The following PCDHGB4 variants were observed in gnomAD, a reference collection of about 807,000 sequenced individuals.
The protein encoded by PCDHGB4 is protocadherin gamma-B4.
PCDHGB4 carries 38 observed loss-of-function variants against 60.5 expected under a neutral mutation model. That is an observed-to-expected ratio of 0.63 (90% CI 0.48 to 0.82). The LOEUF (loss-of-function observed/expected upper bound fraction) is 0.82. PCDHGB4 is among the 40% of genes least tolerant of loss of function. The probability of loss-of-function intolerance (pLI) is 0.00; values close to 1 mark genes in which losing one functional copy is unlikely to be tolerated. For missense variants in PCDHGB4, 1,109 were observed against 1,209.6 expected (o/e 0.92, Z 1.23); for synonymous variants, 456 against 509.7 (o/e 0.89, Z 1.42).
In PCDHGB4 at chr5:141,417,676, C is replaced by G. The variant is rs902104404; in HGVS notation, c.2397+27395C>G. The G allele has an allele frequency of 1.7e-5, 17 of 993,450 alleles. No individual in the cohort carries two copies. The African/African-American group carries it at 2.8e-4, about 16-fold the overall frequency. The allele number at this position is 993,450 out of a possible 1,614,324, so 61.5% of individuals were successfully genotyped here. ...AGCCTGGGATTCCCTGCGCAGCCAACAACAGAAAAGAAAACCAGCTCCCAC... is the reference window on the plus strand; with the variant it reads ...AGCCTGGGATTCCCTGCGCAGCCAAGAACAGAAAAGAAAACCAGCTCCCAC... On this transcript the variant is annotated intron_variant, in intron 1 of 3. Transcript: ENST00000519479.
chr5:141,423,760 G>T, intron 1 of PCDHGB4: 23 of 279,644 alleles, frequency 8.2e-5, no homozygotes, highest in South Asian at 2.0e-4. Flanking sequence ...TGGGGGGGGG[G>T]TGGGGCGGCA....
At chr5:141,412,527 A>G (rs1017506409) in intron 1 of PCDHGB4, 3 of 152,186 alleles carry the variant, frequency 2.0e-5, no homozygotes, top group Admixed American at 1.3e-4. Context: ...AGTAGTTACA[A>G]TTATAAAGCT....
intron 2 of PCDHGB4, among the ~76,000 whole-genome samples, chr5:141,504,280 C>T (rs1027657223): frequency 6.6e-6 from 1 of 152,076 alleles, no homozygotes; most frequent in Admixed American, 6.6e-5. Context: ...AATTATGAAT[C>T]ATTTCATGTT....
intron 1 of PCDHGB4, chr5:141,412,746 C>T (rs2095574250): frequency 6.5e-6 from 1 of 154,106 alleles, no homozygotes; most frequent in Non-Finnish European, 1.4e-5. Context: ...ATATATTTAA[C>T]CAAACATTAT....
chr5:141,473,665 T>C (rs1054239218), intron 1 of PCDHGB4, among the ~76,000 whole-genome samples: 1 of 152,142 alleles, frequency 6.6e-6, no homozygotes, highest in Non-Finnish European at 1.5e-5. Context: ...GTGAAGGCCC[T>C]GAGACAGGGA....
rs776335336 is a variant in PCDHGB4 at position 141,403,470 on chromosome 5, G to A, written c.2397+13189G>A. The A allele has an allele frequency of 3.7e-5, 59 of 1,613,910 alleles. No homozygotes were observed. Among genetic ancestry groups the A allele is most frequent in the Non-Finnish European group, 4.8e-5 (57 of 1,179,918 alleles). ...AACTCCCTCCAGAGCTACCAGCTCAGCCCCAATCACCACTTCTCCCTGAAC... is the reference window on the plus strand; with the variant it reads ...AACTCCCTCCAGAGCTACCAGCTCAACCCCAATCACCACTTCTCCCTGAAC... On this transcript the variant is annotated intron_variant, in intron 1 of 3. Coordinates refer to ENST00000519479, the MANE Select transcript of PCDHGB4 (RefSeq NM_003736.4).
At chr5:141,408,396 A>G (rs764101918) in intron 1 of PCDHGB4, 18 of 1,614,020 alleles carry the variant, frequency 1.1e-5, no homozygotes, top group South Asian at 5.5e-5. Flanking sequence ...TCGGCTCGCA[A>G]GCTGCGAGTG....
intron 3 of PCDHGB4, among the ~76,000 whole-genome samples, chr5:141,509,069 G>A (rs1463164307): frequency 2.6e-5 from 4 of 152,174 alleles, no homozygotes; most frequent in African/African-American, 9.7e-5. Context: ...CTCAGCTCCG[G>A]GGATTTGCGA....
chr5:141,432,919 C>T lies in PCDHGB4; in HGVS notation c.2397+42638C>T. ...TGGCGCTCAGGCTGCGGCGCTGGCACAAGTCACGCCTGCTGCAGGCTTCAG... is the reference window on the plus strand; with the variant it reads ...TGGCGCTCAGGCTGCGGCGCTGGCATAAGTCACGCCTGCTGCAGGCTTCAG... On this transcript the variant is annotated intron_variant, in intron 1 of 3. Coordinates refer to ENST00000519479, the MANE Select transcript of PCDHGB4 (RefSeq NM_003736.4). The surrounding 1 kb of genome is among the most constrained non-coding windows in gnomAD (Gnocchi z 6.0). The T allele has an allele frequency of 2.5e-6, 4 of 1,614,210 alleles. No individual in the cohort carries two copies. Among genetic ancestry groups the T allele is most frequent in the Non-Finnish European group, 3.4e-6 (4 of 1,180,040 alleles).
At chr5:141,492,242 C>G (rs2099738685) in intron 1 of PCDHGB4, among the ~76,000 whole-genome samples, 1 of 152,190 alleles carries the variant, frequency 6.6e-6, no homozygotes, top group Admixed American at 6.5e-5. Flanking sequence ...GCTGGCCACC[C>G]CCACGGCCCA....
intron 1 of PCDHGB4, among the ~76,000 whole-genome samples, chr5:141,482,188 G>C (rs1178289472): frequency 2.6e-5 from 4 of 152,122 alleles, no homozygotes; most frequent in African/African-American, 9.7e-5. Context: ...CGATGCTCCA[G>C]TTCTAGTAAA....
intron 1 of PCDHGB4, among the ~76,000 whole-genome samples, chr5:141,484,306 C>T (rs1009067603): frequency 6.6e-6 from 1 of 152,184 alleles, no homozygotes; most frequent in African/African-American, 2.4e-5. Context: ...GCTTCCTCCA[C>T]CCCGCTTCCA....
At chr5:141,404,039 G>A in intron 1 of PCDHGB4, 1 of 1,613,750 alleles carries the variant, frequency 6.2e-7, no homozygotes, top group Non-Finnish European at 8.5e-7. Context: ...CGCACCTCAG[G>A]GAACAGTAAT....
chr5:141,487,591 C>T lies in PCDHGB4; in HGVS notation c.2398-7216C>T. 8 of 1,614,176 alleles carry T rather than the reference C, an allele frequency of 5.0e-6. No homozygotes were observed. The highest frequency in any genetic ancestry group is 6.8e-6 in the Non-Finnish European group (8 of 1,180,036). On this transcript the variant is annotated intron_variant, in intron 1 of 3. Coordinates refer to ENST00000519479, the MANE Select transcript of PCDHGB4 (RefSeq NM_003736.4). The surrounding 1 kb of genome is among the most constrained non-coding windows in gnomAD (Gnocchi z 5.0). ...AGCCTGTTCGCCCAAGCTGCCCACC[C>T]TCTGATCTTCTCTATGGGCTAGAGG...
At chr5:141,390,612 T>C (rs2092191763) in intron 1 of PCDHGB4, 1 of 296,168 alleles carries the variant, frequency 3.4e-6, no homozygotes, top group Non-Finnish European at 6.3e-6. Context: ...ATTTTCCTTC[T>C]TGTTGACTAA....
intron 1 of PCDHGB4, among the ~76,000 whole-genome samples, chr5:141,458,065 G>A (rs55848374): frequency 0.098 from 14,910 of 152,232 alleles, 965 homozygotes; most frequent in Non-Finnish European, 0.14. Flanking sequence ...GCACTGATGC[G>A]AACAACTATA....
intron 1 of PCDHGB4, chr5:141,484,889 T>C (rs2099602721): frequency 2.8e-6 from 1 of 363,070 alleles, no homozygotes. Flanking sequence ...GTGGGCTTTT[T>C]CCCCTCCAAT....
intron 1 of PCDHGB4, among the ~76,000 whole-genome samples, chr5:141,443,179 A>G (rs2098370392): frequency 6.6e-6 from 1 of 152,190 alleles, no homozygotes; most frequent in South Asian, 2.1e-4. Flanking sequence ...TGTCCACTGC[A>G]TCATTCTCTA....
rs369851570 is a variant in PCDHGB4, at chr5:141,408,393, G to T, written c.2397+18112G>T. 1.7e-5 allele frequency: 28 copies of T among 1,613,918 alleles called. No individual in the cohort carries two copies. In the Admixed American group the frequency reaches 2.2e-4, roughly 12 times the overall value. On this transcript the variant is annotated intron_variant, in intron 1 of 3. Coordinates refer to ENST00000519479, the MANE Select transcript of PCDHGB4 (RefSeq NM_003736.4). Reference sequence around the variant, plus strand: ...CTCAGTGTCCTGGATGTGTCGGCTCGCAAGCTGCGAGTGAGCGCGGAGAAG... The same window carrying T: ...CTCAGTGTCCTGGATGTGTCGGCTCTCAAGCTGCGAGTGAGCGCGGAGAAG...
Sources: gnomAD v4.1 joint callset for allele counts (sites outside exome capture counted in the v4.1 genomes callset) on GRCh38, gnomAD v4.1.1 for gene constraint, Gnocchi (gnomAD v3.1) non-coding constraint, MANE v1.5 for transcripts, NCBI Gene and HGNC (gene_info 2026-07-23, HGNC 2026-07-21) for gene names.